TMEM132C: variants seen among roughly 807,000 people sequenced by gnomAD.
TMEM132C encodes the protein protein phosphatase 1, regulatory subunit 152.
Under a neutral mutation model 61.4 loss-of-function variants are expected in TMEM132C, and 29 were observed. That is an observed-to-expected ratio of 0.47 (90% CI 0.35 to 0.64). TMEM132C has a LOEUF of 0.64. Among genes scored for constraint, TMEM132C ranks in the 30% least tolerant of loss-of-function variants. The probability of loss-of-function intolerance (pLI) is 0.00; values close to 1 mark genes in which losing one functional copy is unlikely to be tolerated. For synonymous variants in TMEM132C, 656 were observed against 633.1 expected (o/e 1.04, Z -0.54); for missense variants, 1,408 against 1,476.9 (o/e 0.95, Z 0.76).
intron 3 of TMEM132C, among the ~76,000 whole-genome samples, chr12:128,557,079 T>C (rs1874356762): frequency 6.7e-6 from 1 of 148,916 alleles, no homozygotes; most frequent in African/African-American, 2.6e-5. Context: ...ATTTTAGTCC[T>C]CTTCTTTATG....
At chr12:128,457,257 A>G (rs1437084800) in intron 2 of TMEM132C, among the ~76,000 whole-genome samples, 1 of 149,392 alleles carries the variant, frequency 6.7e-6, no homozygotes, top group Non-Finnish European at 1.5e-5. Context: ...ATTATTTGAG[A>G]GTTTTGATTG....
intron 2 of TMEM132C, among the ~76,000 whole-genome samples, chr12:128,476,194 T>A (rs561735703): frequency 1.3e-5 from 2 of 152,238 alleles, no homozygotes; most frequent in African/African-American, 4.8e-5. Context: ...GGCTGTCCAT[T>A]GGATTAATTC....
intron 3 of TMEM132C, among the ~76,000 whole-genome samples, chr12:128,609,995 A>G (rs998758293): frequency 4.6e-5 from 7 of 152,210 alleles, no homozygotes; most frequent in South Asian, 4.1e-4. Context: ...TTGTCAATCA[A>G]TGCAGGGTCT....
At chr12:128,272,964 A>G (rs1870571115) in intron 1 of TMEM132C, among the ~76,000 whole-genome samples, 2 of 152,196 alleles carry the variant, frequency 1.3e-5, no homozygotes, top group African/African-American at 2.4e-5. Flanking sequence ...TTGGAAGAGC[A>G]GAGGTGTTAC....
intron 1 of TMEM132C, among the ~76,000 whole-genome samples, chr12:128,348,706 G>C (rs1319388679): frequency 4.6e-5 from 7 of 152,228 alleles, no homozygotes; most frequent in African/African-American, 1.7e-4. Flanking sequence ...CAACCAAGAA[G>C]ACCTGGTAAT....
chr12:128,521,163 C>T (rs999933835), intron 2 of TMEM132C, among the ~76,000 whole-genome samples: 2 of 152,100 alleles, frequency 1.3e-5, no homozygotes, highest in Admixed American at 6.6e-5. Context: ...TGTTGAGAAC[C>T]ACTGGCATGA....
chr12:128,542,845 A>G (rs12830795), intron 2 of TMEM132C, among the ~76,000 whole-genome samples: 66,001 of 141,696 alleles, frequency 0.47, 15,897 homozygotes, highest in Non-Finnish European at 0.52. Flanking sequence ...TAGCGACAGA[A>G]CAATACTTCG....
intron 4 of TMEM132C, among the ~76,000 whole-genome samples, chr12:128,664,807 G>A (rs2135624537): frequency 6.6e-6 from 1 of 152,264 alleles, no homozygotes; most frequent in Admixed American, 6.5e-5. Flanking sequence ...GTCCCGCGGG[G>A]GTTTAGGTGG....
At chr12:128,603,518 T>C (rs1184814543) in intron 3 of TMEM132C, among the ~76,000 whole-genome samples, 1 of 152,212 alleles carries the variant, frequency 6.6e-6, no homozygotes, top group Non-Finnish European at 1.5e-5. Context: ...AGGCCCTCCA[T>C]GCCTGTGTTT....
chr12:128,503,861 C>T (rs372628627), intron 2 of TMEM132C, among the ~76,000 whole-genome samples: 2 of 152,336 alleles, frequency 1.3e-5, no homozygotes, highest in African/African-American at 4.8e-5. Flanking sequence ...ACCCCCAAAA[C>T]CTGGTGTCTC....
intron 2 of TMEM132C, among the ~76,000 whole-genome samples, chr12:128,426,804 T>C (rs1869201113): frequency 6.6e-6 from 1 of 152,168 alleles, no homozygotes. Context: ...AAACATAGAA[T>C]TGACTCCAGC....
chr12:128,538,654 C>T (rs12826451), intron 2 of TMEM132C, among the ~76,000 whole-genome samples: 81,427 of 152,110 alleles, frequency 0.54, 22,632 homozygotes, highest in Middle Eastern at 0.61. Flanking sequence ...CTTCTCTCCA[C>T]GCACAGAGGC....
intron 2 of TMEM132C, among the ~76,000 whole-genome samples, chr12:128,418,078 C>T (rs1436229166): frequency 6.6e-6 from 1 of 152,200 alleles, no homozygotes; most frequent in East Asian, 1.9e-4. Context: ...ATCCACCTCA[C>T]TCCCTGTTCA....
intron 2 of TMEM132C, among the ~76,000 whole-genome samples, chr12:128,471,881 C>CA: frequency 6.6e-6 from 1 of 151,952 alleles, no homozygotes; most frequent in Admixed American, 6.5e-5. Context: ...AAAAGCTAAC[C>CA]AAAAAAGGAT....
intron 1 of TMEM132C, among the ~76,000 whole-genome samples, chr12:128,321,662 G>C (rs1215500502): frequency 6.6e-6 from 1 of 152,184 alleles, no homozygotes; most frequent in Non-Finnish European, 1.5e-5. Flanking sequence ...GGACATCTCA[G>C]AAAAGATCAG....
At chr12:128,558,351 A>T (rs1874399886) in intron 3 of TMEM132C, among the ~76,000 whole-genome samples, 1 of 152,158 alleles carries the variant, frequency 6.6e-6, no homozygotes, top group South Asian at 2.1e-4. Flanking sequence ...GAATTGAATC[A>T]TGGGGCTGGG....
chr12:128,693,639 C>T (rs985100303), intron 5 of TMEM132C, among the ~76,000 whole-genome samples, 190 bp from the exon 6 acceptor site: 7 of 152,194 alleles, frequency 4.6e-5, no homozygotes, highest in Admixed American at 1.3e-4. Context: ...CTCATCTGCT[C>T]CTTCACCCCT....
chr12:128,567,475 C>A (rs1005453026), intron 3 of TMEM132C, among the ~76,000 whole-genome samples: 1 of 145,346 alleles, frequency 6.9e-6, no homozygotes, highest in Non-Finnish European at 1.5e-5. Flanking sequence ...CACACACACA[C>A]AACTGGTAAC....
chr12:128,543,878 C>A, intron 2 of TMEM132C, 79 bp from the exon 3 acceptor site: 2 of 1,482,838 alleles, frequency 1.3e-6, no homozygotes, highest in Non-Finnish European at 8.9e-7. Flanking sequence ...CTAAAGGTGA[C>A]AACTCTGCAG....
Sources: allele counts gnomAD v4.1 joint callset (sites outside exome capture counted in the v4.1 genomes callset), GRCh38; gene constraint gnomAD v4.1.1; transcripts MANE v1.5; gene names NCBI Gene and HGNC (gene_info 2026-07-23, HGNC 2026-07-21).